MCUB: variants seen among roughly 807,000 people sequenced by gnomAD.
The protein encoded by MCUB is calcium uniporter regulatory subunit MCUb, mitochondrial.
In MCUB, 46 loss-of-function variants were observed where a neutral mutation model predicts 41.4. That is an observed-to-expected ratio of 1.11 (90% CI 0.88 to 1.42). MCUB has a LOEUF of 1.42. MCUB is among the 40% of genes most tolerant of loss of function. The pLI is 0.00. For synonymous variants in MCUB, 148 were observed against 148.2 expected (o/e 1.00, Z 0.01); for missense variants, 403 against 404.9 (o/e 1.00, Z 0.04).
intron 1 of MCUB, among the ~76,000 whole-genome samples, chr4:109,564,474 C>T (rs1282663664): frequency 6.6e-6 from 1 of 152,176 alleles, no homozygotes; most frequent in Non-Finnish European, 1.5e-5. Context: ...CATATCTTGC[C>T]TCTCTTTCAC....
At chr4:109,595,979 A>G (rs1461662101) in intron 1 of MCUB, among the ~76,000 whole-genome samples, 1 of 140,862 alleles carries the variant, frequency 7.1e-6, no homozygotes, top group African/African-American at 2.8e-5. Context: ...AATCATTAGC[A>G]TGCCTAGCCC....
chr4:109,686,965 T>G (rs368652365), intron 7 of MCUB, among the ~76,000 whole-genome samples: 4,118 of 136,204 alleles, frequency 0.03, 94 homozygotes, highest in Non-Finnish European at 0.046. Flanking sequence ...AGGTTAAGGG[T>G]TTTTTTTTTA....
chr4:109,652,637 G>A (rs1218460249), intron 1 of MCUB, among the ~76,000 whole-genome samples: 1 of 152,052 alleles, frequency 6.6e-6, no homozygotes, highest in Admixed American at 6.5e-5. Flanking sequence ...TTTTATAATT[G>A]GCATCAATCC....
At chr4:109,579,495 G>A (rs1370910912) in intron 1 of MCUB, among the ~76,000 whole-genome samples, 1 of 152,136 alleles carries the variant, frequency 6.6e-6, no homozygotes, top group Non-Finnish European at 1.5e-5. Flanking sequence ...TGATCCACGC[G>A]CCTCGGCCTC....
intron 1 of MCUB, among the ~76,000 whole-genome samples, chr4:109,624,174 T>C (rs907116237): frequency 1.3e-5 from 2 of 152,188 alleles, no homozygotes; most frequent in Non-Finnish European, 2.9e-5. Context: ...TCTTCTGATC[T>C]TAGACAGTGC....
intron 4 of MCUB, among the ~76,000 whole-genome samples, chr4:109,672,526 G>A (rs1297055249): frequency 1.3e-5 from 2 of 152,156 alleles, no homozygotes; most frequent in African/African-American, 4.8e-5. Flanking sequence ...AAGGGTAGGA[G>A]GAAGAAATTC....
intron 1 of MCUB, among the ~76,000 whole-genome samples, chr4:109,599,422 AT>A (rs149932770): frequency 0.026 from 3,889 of 152,020 alleles, 127 homozygotes; most frequent in South Asian, 0.074. Context: ...CTGAATCTAA[AT>A]TTTTTTCAGC....
At chr4:109,680,686 G>C (rs1729695950) in intron 4 of MCUB, among the ~76,000 whole-genome samples, 1 of 152,214 alleles carries the variant, frequency 6.6e-6, no homozygotes, top group Admixed American at 6.5e-5. Context: ...GACCACAGCA[G>C]TCTTGAATTG....
At chr4:109,650,667 C>A (rs187652956) in intron 1 of MCUB, among the ~76,000 whole-genome samples, 3 of 152,190 alleles carry the variant, frequency 2.0e-5, no homozygotes, top group African/African-American at 7.2e-5. Flanking sequence ...GACAAACAAC[C>A]ATCAAAATAG....
intron 1 of MCUB, among the ~76,000 whole-genome samples, chr4:109,566,111 C>A (rs1483269409): frequency 6.6e-6 from 1 of 151,450 alleles, no homozygotes; most frequent in Non-Finnish European, 1.5e-5. Context: ...CTGCCTTGGC[C>A]ACCCAAAGTG....
chr4:109,579,249 A>G (rs1200007345), intron 1 of MCUB, among the ~76,000 whole-genome samples: 1 of 139,858 alleles, frequency 7.2e-6, no homozygotes, highest in East Asian at 2.1e-4. Flanking sequence ...CTCTGATTAA[A>G]CCTCACTTTT....
At chr4:109,632,709 G>C (rs59467404) in intron 1 of MCUB, among the ~76,000 whole-genome samples, 1 of 146,300 alleles carries the variant, frequency 6.8e-6, no homozygotes, top group East Asian at 2.1e-4. Context: ...TCCACCTCCC[G>C]GTTCAAGTGA....
intron 3 of MCUB, among the ~76,000 whole-genome samples, chr4:109,662,306 A>G (rs1159048036): frequency 1.3e-5 from 2 of 152,198 alleles, no homozygotes; most frequent in African/African-American, 2.4e-5. Context: ...GGCGTTTTCC[A>G]CAGGGGCAGG....
chr4:109,634,271 T>G (rs1328036514), intron 1 of MCUB, among the ~76,000 whole-genome samples: 3 of 151,728 alleles, frequency 2.0e-5, no homozygotes, highest in African/African-American at 7.3e-5. Flanking sequence ...TCATCTGAGG[T>G]CGGGAGTTCG....
At chr4:109,642,042 C>T (rs1243181403) in intron 1 of MCUB, among the ~76,000 whole-genome samples, 1 of 152,170 alleles carries the variant, frequency 6.6e-6, no homozygotes, top group East Asian at 1.9e-4. Context: ...ATCTTTGGCT[C>T]AGGAAAATAG....
intron 2 of MCUB, 27 bp from the exon 3 acceptor site, chr4:109,660,168 A>AT (rs34754720): frequency 0.27 from 306,079 of 1,118,984 alleles, 37,333 homozygotes; most frequent in East Asian, 0.43. Flanking sequence ...AAATTTACTC[A>AT]TTTTTTTTTC....
intron 1 of MCUB, among the ~76,000 whole-genome samples, chr4:109,615,727 C>A (rs1728113708): frequency 6.6e-6 from 1 of 152,094 alleles, no homozygotes; most frequent in Non-Finnish European, 1.5e-5. Flanking sequence ...AATTTATTTG[C>A]TAGGTCTCAG....
chr4:109,565,450 C>CT (rs1328467746), intron 1 of MCUB, among the ~76,000 whole-genome samples: 1 of 152,284 alleles, frequency 6.6e-6, no homozygotes, highest in East Asian at 1.9e-4. Context: ...TCATCAACCT[C>CT]TTTTTTCAAA....
intron 4 of MCUB, among the ~76,000 whole-genome samples, chr4:109,672,522 A>G (rs1331943462): frequency 1.3e-5 from 2 of 152,234 alleles, no homozygotes; most frequent in African/African-American, 4.8e-5. Context: ...TGTTAAGGGT[A>G]GGAGGAAGAA....
Sources: gnomAD v4.1 joint callset for allele counts (sites outside exome capture counted in the v4.1 genomes callset) on GRCh38, gnomAD v4.1.1 for gene constraint, MANE v1.5 for transcripts, NCBI Gene and HGNC (gene_info 2026-07-23, HGNC 2026-07-21) for gene names.